The following RAB20 variants were observed in gnomAD, a reference collection of about 807,000 sequenced individuals.
The protein encoded by RAB20 is RAB20, member RAS oncogene family, also known as ras-related protein Rab-20.
RAB20 carries 2 observed loss-of-function variants against 3.7 expected under a neutral mutation model. The observed-to-expected ratio is 0.54, with a 90% CI of 0.22 to 1.69. The LOEUF is 1.69. Ranked by LOEUF, RAB20 falls within the 40% of genes most tolerant of loss-of-function variation. The pLI is 0.19. For missense variants in RAB20, 276 were observed against 311.9 expected, an observed-to-expected ratio of 0.88 and a Z score of 0.87; for synonymous variants, 126 against 130.8, an observed-to-expected ratio of 0.96 and a Z score of 0.25.
intron 1 of RAB20, among the ~76,000 whole-genome samples, chr13:110,536,727 G>A (rs1242011119): frequency 1.2e-4 from 2 of 17,362 alleles, no homozygotes; most frequent in African/African-American, 2.2e-4. Context: ...TTTTTGGGGC[G>A]GTGGGGGGGG....
chr13:110,549,141 C>T (rs1204783445), intron 1 of RAB20, among the ~76,000 whole-genome samples: 2 of 152,242 alleles, frequency 1.3e-5, no homozygotes, highest in Non-Finnish European at 2.9e-5. Context: ...GGAGGAAAGA[C>T]ATCCGTTGCC....
At chr13:110,556,521 A>G (rs1027278718) in intron 1 of RAB20, among the ~76,000 whole-genome samples, 4 of 152,102 alleles carry the variant, frequency 2.6e-5, no homozygotes, top group Non-Finnish European at 5.9e-5. Context: ...CAATATATCT[A>G]TGGTTTTAAT....
chr13:110,547,334 TTCTA>T (rs1884871148), intron 1 of RAB20, among the ~76,000 whole-genome samples: 1 of 152,202 alleles, frequency 6.6e-6, no homozygotes, highest in South Asian at 2.1e-4. Flanking sequence ...GTGCGCTTAA[TTCTA>T]CACGGGGAAA....
chr13:110,525,088 G>A lies in RAB20; in HGVS notation c.173-891C>T, dbSNP rs1035046805. Among the ~76,000 whole-genome samples the A allele has an allele frequency of 2.0e-5, 3 of 152,356 alleles. No individual in the cohort carries two copies. The East Asian group carries it at 5.8e-4, about 29-fold the overall frequency. ...GGCGGGGAACAGGGCCAGCTGGCAT[G>A]CACCCCTGCAGTGCCTGGAGTGTGG... is the stretch of plus-strand genomic sequence containing the variant. On this transcript the variant is annotated intron_variant, in intron 1 of 1. Coordinates refer to ENST00000267328, the MANE Select transcript of RAB20 (RefSeq NM_017817.3).
At chr13:110,551,659 C>T (rs980178339) in intron 1 of RAB20, among the ~76,000 whole-genome samples, 35 of 152,274 alleles carry the variant, frequency 2.3e-4, no homozygotes, top group Non-Finnish European at 4.0e-4. Flanking sequence ...ATCCATTATC[C>T]TAAGAATCAA....
intron 1 of RAB20, among the ~76,000 whole-genome samples, chr13:110,552,506 A>C (rs977298910): frequency 2.6e-5 from 4 of 151,890 alleles, no homozygotes; most frequent in Admixed American, 2.6e-4. Flanking sequence ...ATCCTGGCTA[A>C]TATAGTGAAA....
At chr13:110,524,320 A>G (rs769005070) in intron 1 of RAB20, 123 bp from the exon 2 acceptor site, 41 of 1,359,776 alleles carry the variant, frequency 3.0e-5, no homozygotes, top group Non-Finnish European at 3.9e-5. Context: ...ACAGGATGAA[A>G]TGCTTAAACA....
chr13:110,530,944 G>T (rs1426539793), intron 1 of RAB20, among the ~76,000 whole-genome samples: 1 of 152,250 alleles, frequency 6.6e-6, no homozygotes, highest in Non-Finnish European at 1.5e-5. Flanking sequence ...CTAAACAAGA[G>T]AAATGGAAGC....
intron 1 of RAB20, among the ~76,000 whole-genome samples, chr13:110,558,429 G>A (rs1885076812): frequency 1.4e-5 from 2 of 139,114 alleles, no homozygotes; most frequent in South Asian, 4.5e-4. Context: ...TGTCACCCAG[G>A]CTGGAGTGCA....
intron 1 of RAB20, among the ~76,000 whole-genome samples, chr13:110,533,963 C>T (rs1884595042): frequency 6.6e-6 from 1 of 152,198 alleles, no homozygotes; most frequent in South Asian, 2.1e-4. Context: ...CCAGAACCCA[C>T]ATGCACCAAA....
chr13:110,561,540 C>A lies in RAB20; in HGVS notation c.-21G>T. The A allele has an allele frequency of 6.5e-7, 1 of 1,535,740 alleles. No homozygotes were observed. The highest frequency in any genetic ancestry group is 8.8e-7 in the Non-Finnish European group (1 of 1,141,466). On this transcript the variant is annotated 5_prime_UTR_variant, in exon 1 of 2. Coordinates refer to ENST00000267328, the MANE Select transcript of RAB20 (RefSeq NM_017817.3). ...CTCATCTTCCCGTAAGAACCCCCAGCGCCCCCGCGCCCTCTCCCCGAGGCT... is the reference window on the plus strand; with the variant it reads ...CTCATCTTCCCGTAAGAACCCCCAGAGCCCCCGCGCCCTCTCCCCGAGGCT...
intron 1 of RAB20, among the ~76,000 whole-genome samples, chr13:110,546,124 A>G (rs1283367221): frequency 6.6e-6 from 1 of 152,058 alleles, no homozygotes; most frequent in Non-Finnish European, 1.5e-5. Context: ...TTTAATCCTT[A>G]TCACCCTTTA....
rs61582404 is a variant in RAB20, at chr13:110,527,900, TACACACACACACACACACACACACACAC to T, written c.173-3731_173-3704del. Among the ~76,000 whole-genome samples, 18 of 138,216 alleles carry T rather than the reference TACACACACACACACACACACACACACAC, an allele frequency of 1.3e-4. No homozygotes were observed. The East Asian group carries it at 3.1e-3, about 24-fold the overall frequency. The allele number at this position is 138,216 out of a possible 152,430, so 90.7% of individuals were successfully genotyped here. ...ATAGCAAGGCTCCTATCTCTACAAA[TACACACACACACACACACACACACACAC>T]ACACACACACACACATACACTTTAA... On this transcript the variant is annotated intron_variant, in intron 1 of 1. Transcript: ENST00000267328.
chr13:110,537,188 G>T (rs182674541), intron 1 of RAB20, among the ~76,000 whole-genome samples: 4 of 151,458 alleles, frequency 2.6e-5, no homozygotes, highest in Admixed American at 6.6e-5. Flanking sequence ...TACAGATGGG[G>T]TCTCACTATT....
intron 1 of RAB20, among the ~76,000 whole-genome samples, chr13:110,537,165 A>AT (rs151280339): frequency 5.4e-4 from 79 of 147,078 alleles, no homozygotes; most frequent in Middle Eastern, 3.4e-3. Context: ...TTTTATTTTT[A>AT]TTTTTTTTTT....
chr13:110,523,693 T>C lies in RAB20; in HGVS notation c.677A>G (p.Lys226Arg), dbSNP rs776553635. The C allele has an allele frequency of 1.2e-5, 19 of 1,614,074 alleles. No individual in the cohort carries two copies. The African/African-American group carries it at 2.5e-4, about 22-fold the overall frequency. Residue 226 changes from lysine (K) to arginine (R), a missense_variant, in exon 2 of 2, where the codon AAG becomes AGG. Physicochemically the swap from Lys to Arg is conservative, Grantham distance 26. Coordinates refer to ENST00000267328, the MANE Select transcript of RAB20 (RefSeq NM_017817.3). ...TVDISSHKPP[K>R]RTRSGCCA is the part of the protein sequence containing the mutation. The stretch of plus-strand genomic sequence containing the variant: ...GGCACAACACCCAGATCTGGTCCTC[T>C]TGGGTGGCTTATGACTGGATATATC...
chr13:110,529,268 G>A (rs1884487645), intron 1 of RAB20, among the ~76,000 whole-genome samples: 1 of 152,256 alleles, frequency 6.6e-6, no homozygotes, highest in African/African-American at 2.4e-5. Context: ...AATGTGCTCT[G>A]AGCCGGGCCG....
intron 1 of RAB20, among the ~76,000 whole-genome samples, chr13:110,560,413 G>T (rs1433966699): frequency 6.6e-6 from 1 of 152,158 alleles, no homozygotes; most frequent in Non-Finnish European, 1.5e-5. Flanking sequence ...TCAGCATACT[G>T]ATACACCCAA....
At chr13:110,536,312 C>T (rs1884638044) in intron 1 of RAB20, among the ~76,000 whole-genome samples, 1 of 152,178 alleles carries the variant, frequency 6.6e-6, no homozygotes, top group Admixed American at 6.5e-5. Flanking sequence ...TTGAAGCCCT[C>T]CCACTTTGTG....
Sources: gnomAD v4.1 joint callset for allele counts (sites outside exome capture counted in the v4.1 genomes callset) on GRCh38, gnomAD v4.1.1 for gene constraint, MANE v1.5 for transcripts, NCBI Gene and HGNC (gene_info 2026-07-23, HGNC 2026-07-21) for gene names.